The following PRCP variants were observed in gnomAD, a reference collection of about 807,000 sequenced individuals.
The protein encoded by PRCP is lysosomal Pro-X carboxypeptidase.
Under a neutral mutation model 54.2 loss-of-function variants are expected in PRCP, and 46 were observed. That is an observed-to-expected ratio of 0.85 (90% CI 0.67 to 1.09). The LOEUF is 1.09. Among genes scored for constraint, PRCP ranks in the 50% least tolerant of loss-of-function variants. The pLI, the probability that PRCP is intolerant of heterozygous loss-of-function variation, is 0.00. For synonymous variants in PRCP, 240 were observed against 212.2 expected (o/e 1.13, Z -1.14); for missense variants, 613 against 596.8 (o/e 1.03, Z -0.28).
chr11:82,851,703 C>T (rs1858960646), intron 3 of PRCP, among the ~76,000 whole-genome samples: 1 of 152,072 alleles, frequency 6.6e-6, no homozygotes, highest in African/African-American at 2.4e-5. Context: ...ACGAATACAG[C>T]TACATACCTC....
intron 1 of PRCP, among the ~76,000 whole-genome samples, chr11:82,892,681 G>A (rs1860030947): frequency 6.6e-6 from 1 of 152,040 alleles, no homozygotes; most frequent in East Asian, 1.9e-4. Context: ...ACACACAACA[G>A]GTCAGTAAAC....
intron 1 of PRCP, among the ~76,000 whole-genome samples, chr11:82,880,753 G>A (rs1859729480): frequency 6.6e-6 from 1 of 150,500 alleles, no homozygotes; most frequent in African/African-American, 2.4e-5. Context: ...TATTGAGAAG[G>A]AAAACAAAAT....
rs767538754 is a variant in PRCP at position 82,849,928 on chromosome 11, C to G, written c.737G>C (p.Arg246Pro). The change falls in exon 5 of 9, where the codon CGA (arginine) becomes CCA (proline). Residue 246 changes from arginine (R) to proline (P), a missense_variant. Transcript: ENST00000313010. ...SIHRSWDAINRLSNTGSGLQW... is the reference protein window; with the variant it reads ...SIHRSWDAINPLSNTGSGLQW... Reference sequence around the variant, plus strand: ...TTAAAGCTTACCAGTATTTGAGAGTCGATTAATGGCATCCCAGGACCTGTG... The same window carrying G: ...TTAAAGCTTACCAGTATTTGAGAGTGGATTAATGGCATCCCAGGACCTGTG... The G allele has an allele frequency of 2.7e-6, 4 of 1,506,018 alleles. No individual in the cohort carries two copies. The South Asian group carries it at 5.5e-5, about 21-fold the overall frequency. The allele number at this position is 1,506,018 out of a possible 1,614,324, so 93.3% of individuals were successfully genotyped here.
intron 6 of PRCP, among the ~76,000 whole-genome samples, chr11:82,843,960 G>A (rs1858738054): frequency 6.8e-6 from 1 of 146,748 alleles, no homozygotes; most frequent in African/African-American, 2.5e-5. Flanking sequence ...ACCTGGTTAT[G>A]CTATCAGCAC....
chr11:82,850,574 C>A, intron 3 of PRCP, 69 bp from the exon 4 acceptor site: 1 of 1,204,888 alleles, frequency 8.3e-7, no homozygotes. Flanking sequence ...TAGCATGGAT[C>A]CAGAAGAGAG....
intron 5 of PRCP, 67 bp downstream of exon 5, chr11:82,849,844 GACA>G: frequency 8.0e-7 from 1 of 1,257,516 alleles, no homozygotes; most frequent in Non-Finnish European, 1.0e-6. Context: ...CTTAAAAAGC[GACA>G]ACTACTGAAT....
chr11:82,835,615 C>T (rs1424937752), intron 8 of PRCP: 6 of 310,740 alleles, frequency 1.9e-5, no homozygotes, highest in Admixed American at 4.3e-5. Flanking sequence ...AAAAACCAGC[C>T]GAAGAAGTGG....
At chr11:82,876,790 C>A (rs1439871056) in intron 1 of PRCP, among the ~76,000 whole-genome samples, 1 of 152,124 alleles carries the variant, frequency 6.6e-6, no homozygotes, top group East Asian at 1.9e-4. Context: ...TTGTCAGCTG[C>A]ATGAAAACGA....
intron 1 of PRCP, among the ~76,000 whole-genome samples, chr11:82,869,974 T>C (rs1859441217): frequency 6.6e-6 from 1 of 152,174 alleles, no homozygotes; most frequent in Admixed American, 6.5e-5. Context: ...CAGTTCTATA[T>C]AACTACAAAT....
intron 1 of PRCP, among the ~76,000 whole-genome samples, chr11:82,887,508 A>G (rs901907252): frequency 6.6e-6 from 1 of 152,190 alleles, no homozygotes; most frequent in African/African-American, 2.4e-5. Flanking sequence ...CAATACCCCA[A>G]AGTATTGATA....
At position 82,900,347 on chromosome 11, in the gene PRCP, GT is replaced by G; in HGVS notation, c.55del (p.Thr19ProfsTer2). The G allele has an allele frequency of 6.2e-7, 1 of 1,614,164 alleles. No individual in the cohort carries two copies. The highest frequency in any genetic ancestry group is 8.5e-7 in the Non-Finnish European group (1 of 1,179,984). ...LLLSFLAPWA[T>X]IALRPALRAL... The stretch of plus-strand genomic sequence containing the variant: ...CCTTAAGGCCGGCCGGAGGGCTATG[GT>G]GGCCCAGGGCGCCAGAAAAGACAGA... On this transcript the variant is annotated frameshift_variant, in exon 1 of 9. Coordinates refer to ENST00000313010, the MANE Select transcript of PRCP (RefSeq NM_005040.4). LOFTEE classifies it high-confidence loss of function.
chr11:82,868,637 G>C (rs975756379), intron 1 of PRCP, among the ~76,000 whole-genome samples: 2 of 152,044 alleles, frequency 1.3e-5, no homozygotes, highest in Non-Finnish European at 2.9e-5. Context: ...AGCAAAGGAA[G>C]AAAAACATGT....
chr11:82,867,427 C>T (rs939919122), intron 1 of PRCP, among the ~76,000 whole-genome samples: 7 of 152,166 alleles, frequency 4.6e-5, no homozygotes, highest in African/African-American at 1.7e-4. Flanking sequence ...TTGAGAATAC[C>T]TAAAATGCTC....
At chr11:82,857,532 C>T (rs1300929988) in intron 2 of PRCP, among the ~76,000 whole-genome samples, 1 of 152,144 alleles carries the variant, frequency 6.6e-6, no homozygotes, top group African/African-American at 2.4e-5. Flanking sequence ...TTTTCGCTTA[C>T]TCAGTTGTGG....
chr11:82,895,340 T>C (rs767009990), intron 1 of PRCP, among the ~76,000 whole-genome samples: 4 of 152,202 alleles, frequency 2.6e-5, no homozygotes, highest in Non-Finnish European at 5.9e-5. Flanking sequence ...GTAGTTGTTT[T>C]TTGTTTTTTG....
chr11:82,843,911 T>A (rs1462581109), intron 6 of PRCP, among the ~76,000 whole-genome samples: 2 of 151,442 alleles, frequency 1.3e-5, no homozygotes, highest in Non-Finnish European at 2.9e-5. Context: ...AGCGTATGAT[T>A]GGGTTTTCAT....
intron 1 of PRCP, among the ~76,000 whole-genome samples, chr11:82,885,989 A>G (rs1859854286): frequency 6.6e-6 from 1 of 152,142 alleles, no homozygotes; most frequent in Non-Finnish European, 1.5e-5. Flanking sequence ...GTCTCTTAAC[A>G]TCCTTCACTC....
intron 1 of PRCP, among the ~76,000 whole-genome samples, chr11:82,876,620 G>T (rs567198113): frequency 6.6e-6 from 1 of 152,242 alleles, no homozygotes; most frequent in Admixed American, 6.5e-5. Context: ...GATCTGATAG[G>T]TTTATCAGGG....
intron 1 of PRCP, among the ~76,000 whole-genome samples, chr11:82,897,344 T>C (rs986473611): frequency 6.6e-6 from 1 of 152,228 alleles, no homozygotes; most frequent in African/African-American, 2.4e-5. Flanking sequence ...TTGCTTTGTT[T>C]AGGTTCTTTT....
Sources: allele counts gnomAD v4.1 joint callset (sites outside exome capture counted in the v4.1 genomes callset), GRCh38; gene constraint gnomAD v4.1.1; transcripts MANE v1.5; gene names NCBI Gene and HGNC (gene_info 2026-07-23, HGNC 2026-07-21).